SEPTIN11: variants seen among roughly 807,000 people sequenced by gnomAD.
SEPTIN11 encodes the protein septin 11.
A neutral mutation model predicts 51.4 loss-of-function variants in SEPTIN11; 25 were observed. The ratio of observed to expected loss-of-function variants is 0.49; its 90% confidence interval spans 0.35 to 0.68. SEPTIN11 has a LOEUF of 0.68. Ranked by LOEUF, SEPTIN11 falls within the 30% of genes least tolerant of loss-of-function variation. The probability of loss-of-function intolerance (pLI) is 0.00; values close to 1 mark genes in which losing one functional copy is unlikely to be tolerated. For missense variants in SEPTIN11, 381 were observed against 520.8 expected (o/e 0.73, Z 2.61); for synonymous variants, 174 against 184.1 (o/e 0.95, Z 0.44).
intron 1 of SEPTIN11, chr4:76,958,992 C>G (rs1304269231): frequency 1.2e-6 from 1 of 800,032 alleles, no homozygotes; most frequent in Non-Finnish European, 2.2e-6. Flanking sequence ...TCCTGACAGT[C>G]ATCCACATCT....
Position 77,016,570 on chromosome 4 carries a change from AATAT to A in SEPTIN11, c.687+1561_687+1564del, listed in dbSNP as rs199587176. On this transcript the variant is annotated intron_variant, in intron 5 of 9. Transcript: ENST00000264893. The stretch of plus-strand genomic sequence containing the variant: ...ATAGCATATATATTATATATGCTAA[AATAT>A]ATATATAGCATATATATACACACAC... Among the ~76,000 whole-genome samples the A allele has an allele frequency of 5.1e-3, 724 of 141,660 alleles. 13 individuals carry two copies. The highest frequency in any genetic ancestry group is 0.018 in the African/African-American group (679 of 38,672). 92.9% of individuals were successfully genotyped at this position (141,660 alleles called of 152,430 possible).
At chr4:76,958,783 T>C (rs1721673549) in intron 1 of SEPTIN11, 2 of 893,644 alleles carry the variant, frequency 2.2e-6, no homozygotes, top group East Asian at 5.4e-5. Flanking sequence ...TCTTCATACT[T>C]TATGTTTTTT....
intron 5 of SEPTIN11, among the ~76,000 whole-genome samples, chr4:77,016,633 C>CACACATATATATAT (rs1375044162): frequency 1.4e-5 from 1 of 72,746 alleles, no homozygotes; most frequent in Admixed American, 1.6e-4. Flanking sequence ...TATATATACA[C>CACACATATATATAT]ATATATATAT....
chr4:77,003,453 C>T (rs1313248987), intron 2 of SEPTIN11, among the ~76,000 whole-genome samples: 1 of 152,232 alleles, frequency 6.6e-6, no homozygotes, highest in East Asian at 1.9e-4. Flanking sequence ...AACACCCTAT[C>T]AGGCTAGTTT....
chr4:76,967,329 G>A (rs777132533), intron 1 of SEPTIN11, among the ~76,000 whole-genome samples: 14 of 152,156 alleles, frequency 9.2e-5, no homozygotes, highest in Non-Finnish European at 1.9e-4. Context: ...ATTAGGTTCC[G>A]TGTTGAATTA....
intron 5 of SEPTIN11, among the ~76,000 whole-genome samples, chr4:77,016,633 C>CAGATATATATATATATATAT: frequency 1.4e-5 from 1 of 72,748 alleles, no homozygotes; most frequent in East Asian, 4.1e-4. Context: ...TATATATACA[C>CAGATATATATATATATATAT]ATATATATAT....
rs747122293 is a variant in SEPTIN11 at position 77,016,477 on chromosome 4, A to AAT, written c.687+1473_687+1474dup. ...TGCAACAATAAAAACAATAATACAA[A>AAT]ATATATATATATATGTGTATATATA... On this transcript the variant is annotated intron_variant, in intron 5 of 9. Transcript: ENST00000264893. Among the ~76,000 whole-genome samples the AAT allele has an allele frequency of 4.5e-3, 652 of 144,932 alleles. 3 individuals carry two copies. Among genetic ancestry groups the AAT allele is most frequent in the African/African-American group, 0.013 (513 of 39,758 alleles).
intron 1 of SEPTIN11, among the ~76,000 whole-genome samples, chr4:76,985,386 C>G (rs1229377484): frequency 6.6e-6 from 1 of 152,192 alleles, no homozygotes; most frequent in Non-Finnish European, 1.5e-5. Context: ...AGTGATTCCC[C>G]TCCTCCCCCT....
Position 77,035,174 on chromosome 4 carries a change from G to A in SEPTIN11, c.*662G>A, listed in dbSNP as rs1726944843. 1 of 985,322 alleles carries A rather than the reference G, an allele frequency of 1.0e-6. No homozygotes were observed. Among genetic ancestry groups the A allele is most frequent in the African/African-American group, 1.7e-5 (1 of 57,232 alleles). 61.0% of individuals were successfully genotyped at this position (985,322 alleles called of 1,614,324 possible). A position where few individuals can be genotyped will look rare whatever the true frequency, so the allele number is the denominator to read the frequency against. ...GCCTGCCTTCAATCCTGGCCAAGTTGGAGTAGACTGGTATGAGAAAACTAT... is the reference window on the plus strand; with the variant it reads ...GCCTGCCTTCAATCCTGGCCAAGTTAGAGTAGACTGGTATGAGAAAACTAT... On this transcript the variant is annotated 3_prime_UTR_variant, in exon 10 of 10. Coordinates refer to ENST00000264893, the MANE Select transcript of SEPTIN11 (RefSeq NM_018243.4).
intron 1 of SEPTIN11, among the ~76,000 whole-genome samples, chr4:76,971,612 C>A (rs182193741): frequency 8.5e-5 from 13 of 152,226 alleles, no homozygotes; most frequent in Admixed American, 8.5e-4. Context: ...AGATTTAAAT[C>A]TTTCTACGTA....
chr4:77,006,298 TTTTTA>T (rs1304017741), intron 3 of SEPTIN11, among the ~76,000 whole-genome samples: 2 of 152,020 alleles, frequency 1.3e-5, no homozygotes. Flanking sequence ...GTACACTGAG[TTTTTA>T]TAATGTACCC....
intron 1 of SEPTIN11, among the ~76,000 whole-genome samples, chr4:76,979,135 AAAGT>A (rs1722636351): frequency 1.3e-5 from 2 of 152,354 alleles, no homozygotes; most frequent in South Asian, 4.2e-4. Flanking sequence ...CATACAGTTC[AAAGT>A]AAGATGAATA....
At chr4:76,963,794 CTTTATTTA>C (rs909406920) in intron 1 of SEPTIN11, among the ~76,000 whole-genome samples, 3 of 152,026 alleles carry the variant, frequency 2.0e-5, no homozygotes, top group East Asian at 1.9e-4. Flanking sequence ...CCAAGAAAAA[CTTTATTTA>C]TTTATTTATT....
At position 76,996,459 on chromosome 4, in the gene SEPTIN11, A is replaced by G. The variant is rs982583201; in HGVS notation, c.62A>G (p.His21Arg). The G allele has an allele frequency of 1.2e-6, 2 of 1,614,160 alleles. No individual in the cohort carries two copies. Among genetic ancestry groups the G allele is most frequent in the Non-Finnish European group, 1.7e-6 (2 of 1,179,984 alleles). The stretch of plus-strand genomic sequence containing the variant: ...CTTCGAAACTTGTCTTTGTCTGGCC[A>G]TGTGGGATTTGACAGCCTCCCTGAC... ...EELRNLSLSG[H>R]VGFDSLPDQL... The change falls in exon 2 of 10, where the codon CAT becomes CGT. Residue 21 changes from histidine (H) to arginine (R), a missense_variant. Physicochemically the swap from His to Arg is conservative, Grantham distance 29. Transcript: ENST00000264893.
chr4:76,962,755 G>A (rs146339608), intron 1 of SEPTIN11, among the ~76,000 whole-genome samples: 281 of 152,228 alleles, frequency 1.8e-3, no homozygotes, highest in Admixed American at 3.3e-3. Flanking sequence ...AGCAAAATAA[G>A]CTCATTTGGA....
intron 1 of SEPTIN11, among the ~76,000 whole-genome samples, chr4:76,983,402 G>C (rs959853434): frequency 6.6e-6 from 1 of 152,156 alleles, no homozygotes; most frequent in African/African-American, 2.4e-5. Context: ...CAGCTGCAAG[G>C]AATTGAGTCT....
downstream of SEPTIN11, chr4:77,038,674 G>C (rs140229610): frequency 9.8e-7 from 1 of 1,018,098 alleles, no homozygotes; most frequent in East Asian, 9.7e-5. Context: ...ATATGTACAC[G>C]TGCTTACTGG....
chr4:76,959,065 T>C, intron 1 of SEPTIN11: 1 of 692,354 alleles, frequency 1.4e-6, no homozygotes, highest in Non-Finnish European at 2.7e-6. Flanking sequence ...ACTTGATCAT[T>C]TTGCAAGGCC....
At chr4:76,991,823 T>C (rs1378176140) in intron 1 of SEPTIN11, among the ~76,000 whole-genome samples, 1 of 152,250 alleles carries the variant, frequency 6.6e-6, no homozygotes, top group African/African-American at 2.4e-5. Flanking sequence ...TGCAGTGTTC[T>C]TCAATGAATT....
Sources: allele counts gnomAD v4.1 joint callset (sites outside exome capture counted in the v4.1 genomes callset), GRCh38; gene constraint gnomAD v4.1.1; transcripts MANE v1.5; gene names NCBI Gene and HGNC (gene_info 2026-07-23, HGNC 2026-07-21).